IGF1R: variants seen among roughly 807,000 people sequenced by gnomAD.
IGF1R encodes insulin-like growth factor 1 receptor.
A neutral mutation model predicts 144.6 loss-of-function variants in IGF1R; 44 were observed. The observed-to-expected ratio is 0.30, with a 90% confidence interval of 0.24 to 0.39. The LOEUF (loss-of-function observed/expected upper bound fraction) is 0.39. Among genes scored for constraint, IGF1R ranks in the 10% least tolerant of loss-of-function variants. The pLI is 1.00. For missense variants in IGF1R, 1,355 were observed against 1,833.7 expected, an observed-to-expected ratio of 0.74 and a Z score of 4.77; for synonymous variants, 795 against 722.8, an observed-to-expected ratio of 1.10 and a Z score of -1.60.
intron 2 of IGF1R, among the ~76,000 whole-genome samples, chr15:98,860,237 T>C (rs2012074468): frequency 6.6e-6 from 1 of 152,250 alleles, no homozygotes; most frequent in Admixed American, 6.5e-5. Flanking sequence ...GTTGCTCATA[T>C]CCAAAAATAA....
At chr15:98,953,919 A>C (rs997148184) in intron 20 of IGF1R, among the ~76,000 whole-genome samples, 2 of 152,278 alleles carry the variant, frequency 1.3e-5, no homozygotes, top group African/African-American at 4.8e-5. Flanking sequence ...CAGTAAGCTC[A>C]CTGAGGCACA....
At chr15:98,925,551 A>C (rs1237308339) in intron 13 of IGF1R, among the ~76,000 whole-genome samples, 2 of 152,232 alleles carry the variant, frequency 1.3e-5, no homozygotes, top group South Asian at 2.1e-4. Flanking sequence ...TTTTGGGTCT[A>C]GTGGGCTGAT....
intron 1 of IGF1R, among the ~76,000 whole-genome samples, chr15:98,689,234 CTTTTTT>C (rs890361771): frequency 3.0e-5 from 3 of 100,934 alleles, no homozygotes; most frequent in East Asian, 6.2e-4. Context: ...AGTTGCACTA[CTTTTTT>C]TTTTTTTTTT....
intron 2 of IGF1R, among the ~76,000 whole-genome samples, chr15:98,752,376 T>C (rs2055033290): frequency 6.6e-6 from 1 of 152,134 alleles, no homozygotes; most frequent in Non-Finnish European, 1.5e-5. Context: ...GAATAGAGTG[T>C]TTATTAACGA....
At chr15:98,928,830 A>T (rs2015828571) in intron 13 of IGF1R, among the ~76,000 whole-genome samples, 1 of 152,038 alleles carries the variant, frequency 6.6e-6, no homozygotes, top group South Asian at 2.1e-4. Flanking sequence ...TCTGATGATC[A>T]GTGGCTTCTG....
intron 2 of IGF1R, among the ~76,000 whole-genome samples, chr15:98,710,485 C>A (rs1356732897): frequency 6.6e-6 from 1 of 151,846 alleles, no homozygotes; most frequent in Non-Finnish European, 1.5e-5. Context: ...GTGGCTTGTC[C>A]GAATTGGGAC....
chr15:98,964,396 G>A lies in IGF1R; in HGVS notation c.*6954G>A, dbSNP rs2017347025. The A allele has an allele frequency of 4.3e-6, 1 of 230,142 alleles. No individual in the cohort carries two copies. The highest frequency in any genetic ancestry group is 8.6e-6 in the Non-Finnish European group (1 of 116,070). The allele number at this position is 230,142 out of a possible 1,614,324, so 14.3% of individuals were successfully genotyped here. ...ATTCCTGTTATTGCGATATACTCTG[G>A]ATTCTTTACATAATGGAAAAAAGAA... On this transcript the variant is annotated 3_prime_UTR_variant, in exon 21 of 21. Coordinates refer to ENST00000650285, the MANE Select transcript of IGF1R (RefSeq NM_000875.5).
intron 2 of IGF1R, among the ~76,000 whole-genome samples, chr15:98,765,554 C>A (rs1367523005): frequency 6.6e-6 from 1 of 151,844 alleles, no homozygotes; most frequent in African/African-American, 2.4e-5. Context: ...GAACTCCTGG[C>A]ATCAAGTGAT....
intron 2 of IGF1R, among the ~76,000 whole-genome samples, chr15:98,816,783 T>C (rs1313972360): frequency 6.6e-6 from 1 of 152,186 alleles, no homozygotes; most frequent in Non-Finnish European, 1.5e-5. Flanking sequence ...GCCACAAACA[T>C]GGCAGCTTTC....
At chr15:98,729,230 A>G (rs1336035709) in intron 2 of IGF1R, among the ~76,000 whole-genome samples, 1 of 152,230 alleles carries the variant, frequency 6.6e-6, no homozygotes, top group East Asian at 1.9e-4. Context: ...TTAAGTGGAA[A>G]AAGGTGTAGA....
intron 2 of IGF1R, among the ~76,000 whole-genome samples, chr15:98,805,402 C>T (rs1347853155): frequency 2.0e-5 from 3 of 152,074 alleles, no homozygotes; most frequent in East Asian, 1.9e-4. Context: ...AGTGTGTACC[C>T]TGTGTTTGGG....
chr15:98,649,046 A>AGG lies in IGF1R; in HGVS notation c.-532_-531dup. On this transcript the variant is annotated 5_prime_UTR_variant, in exon 1 of 21. Coordinates refer to ENST00000650285, the MANE Select transcript of IGF1R (RefSeq NM_000875.5). Reference sequence around the variant, plus strand: ...GAGCGGAGCCAGGAGGAGGAGGAGGAGGGGGAGCCGCTCATTCATTTTGAC... The same window carrying AGG: ...GAGCGGAGCCAGGAGGAGGAGGAGGAGGGGGGGAGCCGCTCATTCATTTTGAC... The AGG allele has an allele frequency of 9.1e-6, 2 of 219,512 alleles. No individual in the cohort carries two copies. The highest frequency in any genetic ancestry group is 1.8e-5 in the Non-Finnish European group (2 of 111,190). The allele number at this position is 219,512 out of a possible 1,614,324, so 13.6% of individuals were successfully genotyped here. A position where few individuals can be genotyped will look rare whatever the true frequency, so the allele number is the denominator to read the frequency against.
chr15:98,747,587 A>C (rs1381454036), intron 2 of IGF1R, among the ~76,000 whole-genome samples: 1 of 152,234 alleles, frequency 6.6e-6, no homozygotes, highest in African/African-American at 2.4e-5. Context: ...TCTGACGACT[A>C]AATCTTATAA....
chr15:98,665,012 T>C (rs538792586), intron 1 of IGF1R, among the ~76,000 whole-genome samples: 38 of 149,152 alleles, frequency 2.5e-4, no homozygotes, highest in East Asian at 8.0e-4. Flanking sequence ...GGCTGGAGTG[T>C]GGTGGCGCAA....
chr15:98,787,043 G>A (rs1007928993), intron 2 of IGF1R, among the ~76,000 whole-genome samples: 4 of 152,192 alleles, frequency 2.6e-5, no homozygotes, highest in African/African-American at 9.7e-5. Context: ...ATCCACAAGA[G>A]CGCCCTGGTT....
rs2151719027 is a variant in IGF1R at position 98,942,953 on chromosome 15, C to T, written c.3488C>T (p.Thr1163Ile). The change falls in exon 19 of 21, where the codon ACA (threonine) becomes ATA (isoleucine). Residue 1163 changes from threonine to isoleucine, a missense_variant. This residue lies in a region of IGF1R where 77 missense variants were observed against 163.2 expected (regional missense o/e 0.47). Transcript: ENST00000650285. Reference sequence around the variant, plus strand: ...GGTATGACGCGAGATATCTATGAGACAGACTATTACCGGAAAGGAGGGAAA... The same window carrying T: ...GGTATGACGCGAGATATCTATGAGATAGACTATTACCGGAAAGGAGGGAAA... ...DFGMTRDIYE[T>I]DYYRKGGKGL... 6.2e-7 allele frequency: 1 copy of T among 1,614,162 alleles called. No homozygotes were observed. The highest frequency in any genetic ancestry group is 8.5e-7 in the Non-Finnish European group (1 of 1,180,006).
chr15:98,911,832 A>G (rs929701899), intron 7 of IGF1R, among the ~76,000 whole-genome samples: 2 of 152,174 alleles, frequency 1.3e-5, no homozygotes, highest in African/African-American at 4.8e-5. Flanking sequence ...TACTCCAGGA[A>G]CACCCTGCAG....
chr15:98,694,430 T>G (rs2053550598), intron 1 of IGF1R, among the ~76,000 whole-genome samples: 1 of 151,878 alleles, frequency 6.6e-6, no homozygotes, highest in Non-Finnish European at 1.5e-5. Context: ...GCTGTGTGGC[T>G]CTATGAACAT....
At chr15:98,861,036 C>T (rs532979539) in intron 2 of IGF1R, among the ~76,000 whole-genome samples, 9 of 151,736 alleles carry the variant, frequency 5.9e-5, no homozygotes, top group Non-Finnish European at 1.2e-4. Context: ...TCCCTCCCTC[C>T]CTCCCTCCAT....
Sources: gnomAD v4.1 joint callset for allele counts (sites outside exome capture counted in the v4.1 genomes callset) on GRCh38, gnomAD v4.1.1 for gene constraint, gnomAD v4.1.1 regional missense constraint, MANE v1.5 for transcripts, NCBI Gene and HGNC (gene_info 2026-07-23, HGNC 2026-07-21) for gene names.